The following FAM78B variants were observed in gnomAD, a reference collection of about 807,000 sequenced individuals.
The protein encoded by FAM78B is family with sequence similarity 78 member B.
FAM78B carries 10 observed loss-of-function variants against 20.0 expected under a neutral mutation model. That is an observed-to-expected ratio of 0.50 (90% CI 0.31 to 0.85). The LOEUF (loss-of-function observed/expected upper bound fraction) is 0.85, where lower values mean the gene tolerates loss of function less well. Ranked by LOEUF, FAM78B falls within the 40% of genes least tolerant of loss-of-function variation. The probability of loss-of-function intolerance (pLI) is 0.05; values close to 1 mark genes in which losing one functional copy is unlikely to be tolerated. For synonymous variants in FAM78B, 135 were observed against 132.8 expected, an observed-to-expected ratio of 1.02 and a Z score of -0.12; for missense variants, 283 against 345.0, an observed-to-expected ratio of 0.82 and a Z score of 1.42.
intron 1 of FAM78B, among the ~76,000 whole-genome samples, chr1:166,138,992 T>C (rs1487498955): frequency 1.3e-5 from 2 of 152,222 alleles, no homozygotes; most frequent in African/African-American, 4.8e-5. Flanking sequence ...TTCCCTGAGT[T>C]GTCTCCCTCC....
At position 166,087,253 on chromosome 1, in the gene FAM78B, C is replaced by T. The variant is rs1296898669; in HGVS notation, c.264-16490G>A. 4.6e-5 allele frequency: 7 copies of T among 151,972 alleles called. No homozygotes were observed. In the South Asian group the frequency reaches 8.3e-4, roughly 18 times the overall value. 9.4% of individuals were successfully genotyped at this position (151,972 alleles called of 1,614,324 possible). A position where few individuals can be genotyped will look rare whatever the true frequency, so the allele number is the denominator to read the frequency against. On this transcript the variant is annotated intron_variant, in intron 1 of 1. Transcript: ENST00000354422. The stretch of plus-strand genomic sequence containing the variant: ...CTAATTTTTGTATTTTTGATAGAGA[C>T]GGGGTTTCACCATGTTGTCCAGGCT...
rs773666436 is a variant in FAM78B at position 166,166,066 on chromosome 1, G to A, written c.183C>T (p.Pro61=). Reference sequence around the variant, plus strand: ...AGCCCACCACCCAGGTCTCGTGGCGGGGGATGGGGGGCATGACCACGCGGG... The same window carrying A: ...AGCCCACCACCCAGGTCTCGTGGCGAGGGATGGGGGGCATGACCACGCGGG... ...ASARVVMPPI[P]RHETWVVGWI... The change falls in exon 1 of 2, where the codon CCC becomes CCT. Residue 61 remains proline, a synonymous_variant. Transcript: ENST00000354422. The A allele has an allele frequency of 1.5e-5, 25 of 1,613,848 alleles. No individual in the cohort carries two copies. Among genetic ancestry groups the A allele is most frequent in the Non-Finnish European group, 2.0e-5 (24 of 1,180,012 alleles).
rs181667925 is a variant in FAM78B, at chr1:166,095,636, G to A, written c.264-24873C>T. On this transcript the variant is annotated intron_variant, in intron 1 of 1. Transcript: ENST00000354422. The stretch of plus-strand genomic sequence containing the variant: ...TCATTGTGAGCCCGCAGGAACCCCA[G>A]GCCTCCTCAGAGTCCCCTCTCCTCA... 1.5e-4 allele frequency among the ~76,000 whole-genome samples: 23 copies of A among 152,262 alleles called. No homozygotes were observed. The East Asian group carries it at 3.5e-3, about 23-fold the overall frequency.
rs561326091 is a variant in FAM78B at position 166,149,968 on chromosome 1, C to A, written c.263+16018G>T. Among the ~76,000 whole-genome samples, 3 of 152,338 alleles carry A rather than the reference C, an allele frequency of 2.0e-5. No individual in the cohort carries two copies. The East Asian group carries it at 5.8e-4, about 29-fold the overall frequency. On this transcript the variant is annotated intron_variant, in intron 1 of 1. Coordinates refer to ENST00000354422, the MANE Select transcript of FAM78B (RefSeq NM_001017961.5). The stretch of plus-strand genomic sequence containing the variant: ...ACCTGGAAGAGAAGAAAGCAACAAG[C>A]TTCCTGCCTGCCAGAAGCCAAATGC...
intron 1 of FAM78B, among the ~76,000 whole-genome samples, chr1:166,123,783 C>T (rs1031707270): frequency 6.6e-6 from 1 of 152,190 alleles, no homozygotes; most frequent in Admixed American, 6.5e-5. Flanking sequence ...GACCCACAAC[C>T]ACACTCCTCC....
At chr1:166,127,158 T>C (rs1654674421) in intron 1 of FAM78B, among the ~76,000 whole-genome samples, 1 of 152,214 alleles carries the variant, frequency 6.6e-6, no homozygotes, top group African/African-American at 2.4e-5. Flanking sequence ...CTTTACAGGG[T>C]TGTGAAGATT....
chr1:166,138,857 C>T (rs1655171111), intron 1 of FAM78B, among the ~76,000 whole-genome samples: 1 of 152,218 alleles, frequency 6.6e-6, no homozygotes. Context: ...ATGGCAGGTA[C>T]TCAAATATTT....
chr1:166,157,291 C>A (rs1392120616), intron 1 of FAM78B, among the ~76,000 whole-genome samples: 1 of 151,970 alleles, frequency 6.6e-6, no homozygotes, highest in Non-Finnish European at 1.5e-5. Flanking sequence ...TAATAACGAG[C>A]ATGCTCTGTA....
At chr1:166,072,156 A>G (rs1652074639) in intron 1 of FAM78B, among the ~76,000 whole-genome samples, 1 of 152,140 alleles carries the variant, frequency 6.6e-6, no homozygotes, top group Admixed American at 6.5e-5. Context: ...TCTTAAAGGG[A>G]ATTGCATTGT....
downstream of FAM78B, among the ~76,000 whole-genome samples, chr1:166,069,212 T>C (rs911106917): frequency 2.9e-5 from 4 of 139,922 alleles, no homozygotes; most frequent in Non-Finnish European, 4.4e-5. Context: ...ATATGCATCA[T>C]GTGTGCATGT....
downstream of FAM78B, among the ~76,000 whole-genome samples, chr1:166,064,343 T>C (rs1651719134): frequency 6.6e-6 from 1 of 152,224 alleles, no homozygotes; most frequent in Non-Finnish European, 1.5e-5. Flanking sequence ...TGAATATATA[T>C]ATATTTTCCT....
At chr1:166,133,751 G>A (rs1325274409) in intron 1 of FAM78B, among the ~76,000 whole-genome samples, 4 of 152,148 alleles carry the variant, frequency 2.6e-5, no homozygotes, top group South Asian at 4.1e-4. Context: ...TTCTCAGGCC[G>A]TCTGCTTCAA....
intron 1 of FAM78B, among the ~76,000 whole-genome samples, chr1:166,104,296 G>T (rs946714003): frequency 1.3e-5 from 2 of 152,120 alleles, no homozygotes; most frequent in Non-Finnish European, 2.9e-5. Flanking sequence ...ACTGGCACAA[G>T]ACAGGGATGC....
chr1:166,110,425 C>CAAA (rs1654005897), intron 1 of FAM78B, among the ~76,000 whole-genome samples: 1 of 152,080 alleles, frequency 6.6e-6, no homozygotes, highest in African/African-American at 2.4e-5. Flanking sequence ...TTCACTTCTG[C>CAAA]TGTTTTGGAC....
chr1:166,081,440 A>G (rs903081110), intron 1 of FAM78B, among the ~76,000 whole-genome samples: 16 of 152,118 alleles, frequency 1.1e-4, no homozygotes, highest in African/African-American at 3.9e-4. Context: ...TCACATCTGA[A>G]AATGGTTGAC....
chr1:166,064,195 G>C (rs1651714426), intron 2 of FAM78B, among the ~76,000 whole-genome samples: 1 of 152,164 alleles, frequency 6.6e-6, no homozygotes, highest in Non-Finnish European at 1.5e-5. Flanking sequence ...GAGACAGCCT[G>C]GGGACTGTAG....
chr1:166,069,080 A>G (rs919145960), downstream of FAM78B, among the ~76,000 whole-genome samples: 1 of 152,220 alleles, frequency 6.6e-6, no homozygotes, highest in African/African-American at 2.4e-5. Context: ...ACAAATGTTC[A>G]AGTTTGAGCT....
At chr1:166,111,990 T>G (rs1162054731) in intron 1 of FAM78B, among the ~76,000 whole-genome samples, 1 of 152,228 alleles carries the variant, frequency 6.6e-6, no homozygotes, top group East Asian at 1.9e-4. Flanking sequence ...AGTCACGTTT[T>G]CTTTATTTTA....
At chr1:166,061,023 G>C (rs1008459755) in intron 2 of FAM78B, among the ~76,000 whole-genome samples, 2 of 152,218 alleles carry the variant, frequency 1.3e-5, no homozygotes, top group African/African-American at 4.8e-5. Context: ...AAAGGGACTT[G>C]CAAGAATCAC....
Sources: allele counts gnomAD v4.1 joint callset (sites outside exome capture counted in the v4.1 genomes callset), GRCh38; gene constraint gnomAD v4.1.1; transcripts MANE v1.5; gene names NCBI Gene and HGNC (gene_info 2026-07-23, HGNC 2026-07-21).